The following RBFOX1 variants were observed in gnomAD, a reference collection of about 807,000 sequenced individuals.
The protein encoded by RBFOX1 is RNA binding protein fox-1 homolog 1.
RBFOX1 carries 8 observed loss-of-function variants against 57.7 expected under a neutral mutation model. The ratio of observed to expected loss-of-function variants is 0.14; its 90% confidence interval spans 0.08 to 0.25. The LOEUF (loss-of-function observed/expected upper bound fraction) is 0.25, where lower values mean the gene tolerates loss of function less well. Among genes scored for constraint, RBFOX1 ranks in the 10% least tolerant of loss-of-function variants. The pLI is 1.00. For missense variants in RBFOX1, 611 were observed against 548.5 expected (o/e 1.11, Z -1.14); for synonymous variants, 326 against 222.4 (o/e 1.47, Z -4.15).
At chr16:6,395,227 A>G (rs1383300756) in intron 2 of RBFOX1, among the ~76,000 whole-genome samples, 2 of 152,222 alleles carry the variant, frequency 1.3e-5, no homozygotes, top group African/African-American at 4.8e-5. Flanking sequence ...CAAAGAAAAT[A>G]AAAAGTTCTG....
intron 1 of RBFOX1, among the ~76,000 whole-genome samples, chr16:6,161,869 G>A (rs1314299826): frequency 6.6e-6 from 1 of 152,182 alleles, no homozygotes; most frequent in East Asian, 1.9e-4. Flanking sequence ...AACAAACTTT[G>A]AGTAGGTTGA....
At position 5,944,653 on chromosome 16, in the gene RBFOX1, C is replaced by G. The variant is rs2059355390; in HGVS notation, c.351+77318C>G. 2.6e-5 allele frequency among the ~76,000 whole-genome samples: 4 copies of G among 151,524 alleles called. No individual in the cohort carries two copies. In the South Asian group the frequency reaches 8.4e-4, roughly 32 times the overall value. ...CCGCCATTGTCACCTTTGGAAGTCC[C>G]TTAAGAGAAAGCTATTCTCGGCCAG... On this transcript the variant is annotated intron_variant, in intron 4 of 19. Coordinates refer to the RBFOX1 transcript ENST00000641259.
intron 1 of RBFOX1, among the ~76,000 whole-genome samples, chr16:6,085,912 A>G (rs1475550039): frequency 6.6e-6 from 1 of 151,970 alleles, no homozygotes; most frequent in Non-Finnish European, 1.5e-5. Context: ...TGCTGCACCT[A>G]TTAACCCGTC....
At chr16:7,267,644 C>A (rs1603462093) in intron 4 of RBFOX1, among the ~76,000 whole-genome samples, 1 of 151,924 alleles carries the variant, frequency 6.6e-6, no homozygotes, top group African/African-American at 2.4e-5. Flanking sequence ...CACTTGAGGT[C>A]AGGAGTTCGA....
At chr16:6,662,728 C>T (rs2098709237) in intron 3 of RBFOX1, among the ~76,000 whole-genome samples, 1 of 152,182 alleles carries the variant, frequency 6.6e-6, no homozygotes. Context: ...CCCAGAGCCC[C>T]TGACAGGCAA....
intron 4 of RBFOX1, among the ~76,000 whole-genome samples, chr16:7,206,684 C>A (rs532292431): frequency 6.6e-6 from 1 of 152,052 alleles, no homozygotes; most frequent in Non-Finnish European, 1.5e-5. Flanking sequence ...GAAGTCCTGA[C>A]AAGCACAGAG....
At chr16:6,811,147 C>T (rs1271381109) in intron 3 of RBFOX1, among the ~76,000 whole-genome samples, 1 of 152,078 alleles carries the variant, frequency 6.6e-6, no homozygotes, top group Non-Finnish European at 1.5e-5. Flanking sequence ...CTAAGGCCTC[C>T]AATTCTGAAG....
At chr16:5,318,562 A>G (rs772239994) in intron 1 of RBFOX1, among the ~76,000 whole-genome samples, 3 of 150,362 alleles carry the variant, frequency 2.0e-5, no homozygotes, top group Non-Finnish European at 4.4e-5. Flanking sequence ...AATAAGAGCA[A>G]CCTATTTGCA....
chr16:7,597,743 G>C (rs2094782832), intron 9 of RBFOX1, among the ~76,000 whole-genome samples: 1 of 152,214 alleles, frequency 6.6e-6, no homozygotes, highest in Non-Finnish European at 1.5e-5. Flanking sequence ...GTTGAGGGGA[G>C]AATTGGAGGT....
chr16:5,957,677 G>C (rs2059672060), intron 4 of RBFOX1, among the ~76,000 whole-genome samples: 1 of 152,052 alleles, frequency 6.6e-6, no homozygotes, highest in Non-Finnish European at 1.5e-5. Flanking sequence ...TTAAATTTTG[G>C]AATTTTGTGG....
At chr16:6,479,836 G>C (rs2095343352) in intron 2 of RBFOX1, among the ~76,000 whole-genome samples, 1 of 151,912 alleles carries the variant, frequency 6.6e-6, no homozygotes, top group East Asian at 1.9e-4. Context: ...GATCATTTGA[G>C]GTCAGGAGCT....
chr16:7,338,021 C>A (rs923327000), intron 4 of RBFOX1, among the ~76,000 whole-genome samples: 2 of 152,168 alleles, frequency 1.3e-5, no homozygotes, highest in African/African-American at 4.8e-5. Context: ...GTTTGTGCAT[C>A]ATTTACCATT....
chr16:5,309,220 TCTC>T (rs1214605790), intron 1 of RBFOX1, among the ~76,000 whole-genome samples: 1 of 152,212 alleles, frequency 6.6e-6, no homozygotes, highest in Non-Finnish European at 1.5e-5. Flanking sequence ...TGGAACGTCT[TCTC>T]CTTTAAACCA....
intron 12 of RBFOX1, among the ~76,000 whole-genome samples, chr16:7,654,606 G>T (rs1193717586): frequency 6.6e-6 from 1 of 151,974 alleles, no homozygotes; most frequent in Non-Finnish European, 1.5e-5. Flanking sequence ...ATTGCCAGGC[G>T]AATGTCAAGG....
chr16:6,212,810 A>G (rs1054061653), intron 1 of RBFOX1, among the ~76,000 whole-genome samples: 4 of 152,196 alleles, frequency 2.6e-5, no homozygotes, highest in Non-Finnish European at 5.9e-5. Context: ...CATACTCTTT[A>G]ATTTTTTCTC....
chr16:5,908,073 T>TATATATATATATACACATATATACAC (rs2058505930), intron 4 of RBFOX1, among the ~76,000 whole-genome samples: 2 of 35,410 alleles, frequency 5.6e-5, no homozygotes, highest in Non-Finnish European at 1.1e-4. Flanking sequence ...TGTGTATGTA[T>TATATATATATATACACATATATACAC]ATATATATAT....
chr16:6,310,770 T>C (rs2080161871), intron 1 of RBFOX1, among the ~76,000 whole-genome samples: 1 of 152,116 alleles, frequency 6.6e-6, no homozygotes, highest in African/African-American at 2.4e-5. Context: ...GACAGATGTC[T>C]ACAAATGAAG....
chr16:5,778,570 C>G (rs2054223024), intron 3 of RBFOX1, among the ~76,000 whole-genome samples: 1 of 152,176 alleles, frequency 6.6e-6, no homozygotes, highest in South Asian at 2.1e-4. Flanking sequence ...GAGAGCAACC[C>G]CGCGTGGCCT....
intron 2 of RBFOX1, among the ~76,000 whole-genome samples, chr16:6,408,343 G>A (rs1318995643): frequency 6.6e-6 from 1 of 152,122 alleles, no homozygotes; most frequent in Non-Finnish European, 1.5e-5. Flanking sequence ...GTGCAGGGGG[G>A]ACTTTAATTA....
Sources: gnomAD v4.1 joint callset for allele counts (sites outside exome capture counted in the v4.1 genomes callset) on GRCh38, gnomAD v4.1.1 for gene constraint, MANE v1.5 for transcripts, NCBI Gene and HGNC (gene_info 2026-07-23, HGNC 2026-07-21) for gene names.